COG5: variants seen among roughly 807,000 people sequenced by gnomAD.
COG5 encodes the protein component of oligomeric golgi complex 5.
In COG5, 86 loss-of-function variants were observed where a neutral mutation model predicts 110.4. That is an observed-to-expected ratio of 0.78 (90% CI 0.65 to 0.93). The LOEUF (loss-of-function observed/expected upper bound fraction) is 0.93. Ranked by LOEUF, COG5 falls within the 40% of genes least tolerant of loss-of-function variation. COG5 has a pLI of 0.00. For missense variants in COG5, 1,077 were observed against 987.0 expected (o/e 1.09, Z -1.22); for synonymous variants, 360 against 334.6 (o/e 1.08, Z -0.83).
chr7:107,428,589 T>C lies in COG5; in HGVS notation c.539-15957A>G, dbSNP rs567428306. Among the ~76,000 whole-genome samples, 5 of 152,352 alleles carry C rather than the reference T, an allele frequency of 3.3e-5. No individual in the cohort carries two copies. The East Asian group carries it at 9.6e-4, about 29-fold the overall frequency. Reference sequence around the variant, plus strand: ...TGTTAACACCTTTACTTCAAACTTCTAGCCTCCAGAACTATGTAAGAATAA... The same window carrying C: ...TGTTAACACCTTTACTTCAAACTTCCAGCCTCCAGAACTATGTAAGAATAA... On this transcript the variant is annotated intron_variant, in intron 6 of 21. Transcript: ENST00000297135.
intron 18 of COG5, among the ~76,000 whole-genome samples, chr7:107,233,292 G>A (rs529415282): frequency 6.6e-6 from 1 of 152,296 alleles, no homozygotes; most frequent in Non-Finnish European, 1.5e-5. Context: ...TCGTGGACAG[G>A]CTTAGTGATT....
At chr7:107,217,586 C>G (rs1799614360) in intron 19 of COG5, among the ~76,000 whole-genome samples, 2 of 152,088 alleles carry the variant, frequency 1.3e-5, no homozygotes, top group Non-Finnish European at 2.9e-5. Flanking sequence ...GATGTGTCAA[C>G]ATATATACAT....
intron 6 of COG5, among the ~76,000 whole-genome samples, chr7:107,513,648 C>T (rs1412226454): frequency 1.3e-5 from 2 of 152,068 alleles, no homozygotes. Context: ...GGAACCAACC[C>T]AAATGTCCAA....
intron 10 of COG5, among the ~76,000 whole-genome samples, chr7:107,349,975 G>A (rs1052830785): frequency 1.3e-5 from 2 of 152,226 alleles, no homozygotes; most frequent in African/African-American, 4.8e-5. Context: ...TTACAGGCAT[G>A]AACCACTGCA....
At chr7:107,469,806 A>C (rs949603026) in intron 6 of COG5, among the ~76,000 whole-genome samples, 1 of 152,034 alleles carries the variant, frequency 6.6e-6, no homozygotes, top group Non-Finnish European at 1.5e-5. Context: ...AATGTTTGGC[A>C]TAAGTGACCA....
intron 6 of COG5, among the ~76,000 whole-genome samples, chr7:107,466,811 G>A (rs1053247619): frequency 6.6e-6 from 1 of 152,140 alleles, no homozygotes; most frequent in Non-Finnish European, 1.5e-5. Flanking sequence ...GACCCTTGTC[G>A]CAATACAGCT....
At chr7:107,399,159 G>A (rs1791240001) in intron 7 of COG5, among the ~76,000 whole-genome samples, 1 of 152,016 alleles carries the variant, frequency 6.6e-6, no homozygotes, top group Admixed American at 6.6e-5. Flanking sequence ...TCGAGATCGT[G>A]CCACTGCATT....
intron 14 of COG5, among the ~76,000 whole-genome samples, chr7:107,265,068 G>C (rs983576255): frequency 2.6e-5 from 4 of 152,142 alleles, no homozygotes; most frequent in Non-Finnish European, 5.9e-5. Flanking sequence ...AGGTTTACTT[G>C]TAGAATATAC....
In COG5 at chr7:107,201,507, G is replaced by T. The variant is rs550225636; in HGVS notation, c.*2009C>A. 96 of 890,490 alleles carry T rather than the reference G, an allele frequency of 1.1e-4. 1 individual carries two copies. In the South Asian group the frequency reaches 1.3e-3, roughly 12 times the overall value. 55.2% of individuals were successfully genotyped at this position (890,490 alleles called of 1,614,324 possible). On this transcript the variant is annotated 3_prime_UTR_variant, in exon 22 of 22. Transcript: ENST00000297135. ...GATGGAAAGACTTAAGAAGATCAAG[G>T]TCTCACCATTTGTCCTCAATTCGTG...
chr7:107,546,435 G>GTTTT (rs754919944), intron 5 of COG5, among the ~76,000 whole-genome samples: 2 of 119,482 alleles, frequency 1.7e-5, no homozygotes, highest in East Asian at 2.6e-4. Context: ...TTGGTTTTTT[G>GTTTT]TTTTTTTTTT....
chr7:107,288,864 A>C (rs1805871049), intron 12 of COG5, among the ~76,000 whole-genome samples: 2 of 141,074 alleles, frequency 1.4e-5, no homozygotes, highest in African/African-American at 5.3e-5. Flanking sequence ...ATTATTTACC[A>C]AATCCTAATG....
chr7:107,485,829 A>C (rs1023656811), intron 6 of COG5, among the ~76,000 whole-genome samples: 2 of 152,192 alleles, frequency 1.3e-5, no homozygotes, highest in African/African-American at 4.8e-5. Context: ...GCAAAATATC[A>C]TAAGAATATA....
intron 21 of COG5, chr7:107,208,051 T>C: frequency 1.0e-6 from 1 of 985,416 alleles, no homozygotes; most frequent in Non-Finnish European, 1.2e-6. Context: ...ATTCATCCAG[T>C]GATGCTTCAG....
chr7:107,456,237 T>C (rs1056694699), intron 6 of COG5, among the ~76,000 whole-genome samples: 5 of 152,182 alleles, frequency 3.3e-5, no homozygotes, highest in Non-Finnish European at 4.4e-5. Context: ...GACATAACTT[T>C]AAGATACCAG....
At chr7:107,357,115 C>T (rs1293271372) in intron 10 of COG5, among the ~76,000 whole-genome samples, 1 of 152,052 alleles carries the variant, frequency 6.6e-6, no homozygotes, top group Non-Finnish European at 1.5e-5. Flanking sequence ...GGTTCTATTG[C>T]CAATGATAAT....
chr7:107,341,835 A>G (rs936183762), intron 10 of COG5, among the ~76,000 whole-genome samples: 3 of 152,228 alleles, frequency 2.0e-5, no homozygotes, highest in Non-Finnish European at 4.4e-5. Flanking sequence ...CATAGGCAGA[A>G]GAATAAAACT....
At chr7:107,338,359 T>C (rs1252504632) in intron 10 of COG5, among the ~76,000 whole-genome samples, 1 of 152,108 alleles carries the variant, frequency 6.6e-6, no homozygotes, top group East Asian at 1.9e-4. Flanking sequence ...CATGGCCATA[T>C]GATCTTTGAC....
At chr7:107,205,188 G>C (rs1361268005) in intron 21 of COG5, among the ~76,000 whole-genome samples, 1 of 152,150 alleles carries the variant, frequency 6.6e-6, no homozygotes, top group Non-Finnish European at 1.5e-5. Context: ...CACTTGCCGT[G>C]CCCTGTTCTT....
chr7:107,499,348 C>CGTTA (rs1798490037), intron 6 of COG5, among the ~76,000 whole-genome samples: 1 of 151,632 alleles, frequency 6.6e-6, no homozygotes, highest in African/African-American at 2.4e-5. Flanking sequence ...ACCACACTAA[C>CGTTA]GTAAGGTATT....
Sources: gnomAD v4.1 joint callset for allele counts (sites outside exome capture counted in the v4.1 genomes callset) on GRCh38, gnomAD v4.1.1 for gene constraint, MANE v1.5 for transcripts, NCBI Gene and HGNC (gene_info 2026-07-23, HGNC 2026-07-21) for gene names.